ARHGAP39: variants seen among roughly 807,000 people sequenced by gnomAD.
ARHGAP39 encodes the protein rho GTPase-activating protein 39.
Under a neutral mutation model 106.9 loss-of-function variants are expected in ARHGAP39, and 44 were observed. The observed-to-expected ratio is 0.41, with a 90% CI of 0.32 to 0.53. The LOEUF is 0.53. Ranked by LOEUF, ARHGAP39 falls within the 20% of genes least tolerant of loss-of-function variation. The pLI is 0.21. For missense variants in ARHGAP39, 1,496 were observed against 1,577.3 expected, an observed-to-expected ratio of 0.95 and a Z score of 0.87; for synonymous variants, 768 against 693.2, an observed-to-expected ratio of 1.11 and a Z score of -1.69.
chr8:144,659,427 A>AC (rs1586642381), intron 1 of ARHGAP39, among the ~76,000 whole-genome samples: 1 of 152,226 alleles, frequency 6.6e-6, no homozygotes, highest in African/African-American at 2.4e-5. Flanking sequence ...ACAAAAAACT[A>AC]AAGTTTCACG....
At chr8:144,534,294 T>TG (rs1586872597) in intron 7 of ARHGAP39, 92 bp from the exon 8 acceptor site, 2 of 1,445,492 alleles carry the variant, frequency 1.4e-6, no homozygotes, top group East Asian at 2.3e-5. Flanking sequence ...TCGAGGGCCC[T>TG]GGGGGGCTGG....
chr8:144,538,313 C>T (rs905736928), intron 6 of ARHGAP39, among the ~76,000 whole-genome samples: 4 of 152,228 alleles, frequency 2.6e-5, no homozygotes, highest in Admixed American at 6.5e-5. Flanking sequence ...AGCGTAACTC[C>T]GCAGTGTTGC....
At chr8:144,537,370 A>C (rs1816999412) in intron 7 of ARHGAP39, among the ~76,000 whole-genome samples, 1 of 151,458 alleles carries the variant, frequency 6.6e-6, no homozygotes, top group African/African-American at 2.4e-5. Context: ...GGCACCACAC[A>C]CCCCTCCACC....
intron 7 of ARHGAP39, among the ~76,000 whole-genome samples, chr8:144,537,167 G>A (rs538586003): frequency 5.0e-4 from 76 of 152,128 alleles, no homozygotes; most frequent in African/African-American, 1.8e-3. Context: ...GGTGGAAGCT[G>A]TGTGAGAGTG....
chr8:144,539,877 C>CTA (rs1172247843), intron 6 of ARHGAP39, among the ~76,000 whole-genome samples: 1 of 152,144 alleles, frequency 6.6e-6, no homozygotes, highest in Non-Finnish European at 1.5e-5. Flanking sequence ...ATTCTAGGTC[C>CTA]TTTGTAGTTC....
intron 2 of ARHGAP39, among the ~76,000 whole-genome samples, chr8:144,594,493 G>C (rs1033845406): frequency 6.6e-6 from 1 of 152,044 alleles, no homozygotes; most frequent in Non-Finnish European, 1.5e-5. Context: ...TCAGGAGTTC[G>C]AGACCAGCCT....
chr8:144,551,074 CT>C (rs1407657467), intron 4 of ARHGAP39, among the ~76,000 whole-genome samples: 2 of 152,222 alleles, frequency 1.3e-5, no homozygotes, highest in Admixed American at 1.3e-4. Context: ...ATCTGTGACT[CT>C]TTTTACCACT....
intron 3 of ARHGAP39, among the ~76,000 whole-genome samples, chr8:144,561,204 CCCAGTGGTTTCCATCACACT>C (rs1338861019): frequency 8.6e-5 from 13 of 151,890 alleles, no homozygotes; most frequent in Admixed American, 5.9e-4. Context: ...TCGGACTCAC[CCCAGTGGTTTCCATCACACT>C]CCAGTGGTTT....
At position 144,545,685 on chromosome 8, in the gene ARHGAP39, C is replaced by T. The variant is rs1817385954; in HGVS notation, c.2085G>A (p.Glu695=). 6.2e-7 allele frequency: 1 copy of T among 1,613,274 alleles called. No homozygotes were observed. Among genetic ancestry groups the T allele is most frequent in the African/African-American group, 1.3e-5 (1 of 74,938 alleles). The part of the protein sequence containing the change: ...LRKPSSETDI[E]NWASKHFNKH... ...TGTTGAAGTGCTTGGAGGCCCAGTT[C>T]TCGATGTCCGTCTCCGAGGAGGGCT... Residue 695 remains glutamate (E), a synonymous_variant, in exon 6 of 12, where the codon GAG becomes GAA. Coordinates refer to ENST00000377307, the MANE Select transcript of ARHGAP39 (RefSeq NM_025251.3).
Position 144,538,043 on chromosome 8 carries a change from G to GT in ARHGAP39, c.2522-231dup, listed in dbSNP as rs1817035609. On this transcript the variant is annotated intron_variant, in intron 6 of 11. Coordinates refer to ENST00000377307, the MANE Select transcript of ARHGAP39 (RefSeq NM_025251.3). ...GGGAAGCTGCCGTGCCTGTGCTGGC[G>GT]TGAGTGGAGGTGCAGGGAAGGCGCC... Among the ~76,000 whole-genome samples the GT allele has an allele frequency of 3.3e-5, 5 of 152,348 alleles. No homozygotes were observed. In the South Asian group the frequency reaches 1.0e-3, roughly 32 times the overall value.
chr8:144,546,908 C>T (rs777996255), intron 5 of ARHGAP39, among the ~76,000 whole-genome samples: 10 of 152,228 alleles, frequency 6.6e-5, no homozygotes, highest in Non-Finnish European at 1.2e-4. Flanking sequence ...TGCCAGGGAA[C>T]GCCCAGCAGC....
upstream of ARHGAP39, among the ~76,000 whole-genome samples, chr8:144,687,360 G>C (rs367830205): frequency 1.3e-3 from 13 of 10,334 alleles, 2 homozygotes; most frequent in South Asian, 0.011. Context: ...CTGGCGGCGA[G>C]CATTTCCCAC....
At chr8:144,569,911 G>A (rs1818525900) in intron 3 of ARHGAP39, among the ~76,000 whole-genome samples, 1 of 152,162 alleles carries the variant, frequency 6.6e-6, no homozygotes, top group African/African-American at 2.4e-5. Context: ...TGAGGACAGA[G>A]AGAGCAACAG....
chr8:144,633,452 C>T lies in ARHGAP39; in HGVS notation c.-81-27757G>A, dbSNP rs556042507. 1.0e-3 allele frequency among the ~76,000 whole-genome samples: 154 copies of T among 151,536 alleles called. 1 individual carries two copies. Among genetic ancestry groups the T allele is most frequent in the African/African-American group, 3.6e-3 (149 of 41,322 alleles). ...CCAGCCTGGTGACAGAGTGAGACTC[C>T]GTCTCAAAAAAAAGAAGAAAAAGAA... On this transcript the variant is annotated intron_variant, in intron 1 of 11. Coordinates refer to ENST00000377307, the MANE Select transcript of ARHGAP39 (RefSeq NM_025251.3).
At chr8:144,665,447 C>T (rs985999207) in intron 1 of ARHGAP39, among the ~76,000 whole-genome samples, 9 of 151,966 alleles carry the variant, frequency 5.9e-5, no homozygotes, top group East Asian at 1.9e-4. Context: ...GGGAAAATGT[C>T]GCCAGGCCAT....
At chr8:144,681,810 G>A (rs1822426938) in intron 1 of ARHGAP39, among the ~76,000 whole-genome samples, 1 of 152,166 alleles carries the variant, frequency 6.6e-6, no homozygotes, top group East Asian at 1.9e-4. Flanking sequence ...TCTACTAAAG[G>A]TGGAAGGGTT....
At chr8:144,639,870 G>T (rs1328599537) in intron 1 of ARHGAP39, among the ~76,000 whole-genome samples, 1 of 152,166 alleles carries the variant, frequency 6.6e-6, no homozygotes, top group Non-Finnish European at 1.5e-5. Context: ...TCACACAATA[G>T]CCTGTTTCTT....
In ARHGAP39 at chr8:144,639,039, G is replaced by A. The variant is rs975654261; in HGVS notation, c.-81-33344C>T. 1.6e-4 allele frequency among the ~76,000 whole-genome samples: 25 copies of A among 152,068 alleles called. 1 individual carries two copies. The highest frequency in any genetic ancestry group is 3.2e-3 in the Middle Eastern group (1 of 314). On this transcript the variant is annotated intron_variant, in intron 1 of 11. Coordinates refer to ENST00000377307, the MANE Select transcript of ARHGAP39 (RefSeq NM_025251.3). ...TATGCTTTTTTTAAAAATTACCTTC[G>A]GCACGGGCCAGGAGCGGTGGCTCAC...
chr8:144,685,098 A>C (rs1227362461), intron 1 of ARHGAP39, among the ~76,000 whole-genome samples: 2 of 148,680 alleles, frequency 1.3e-5, no homozygotes, highest in African/African-American at 5.0e-5. Context: ...GGGTCCCCTC[A>C]CACCCCCCTC....
Sources: gnomAD v4.1 joint callset for allele counts (sites outside exome capture counted in the v4.1 genomes callset) on GRCh38, gnomAD v4.1.1 for gene constraint, MANE v1.5 for transcripts, NCBI Gene and HGNC (gene_info 2026-07-23, HGNC 2026-07-21) for gene names.